RP1: variants seen among roughly 807,000 people sequenced by gnomAD.
The protein encoded by RP1 is oxygen-regulated protein 1.
RP1 carries 16 observed loss-of-function variants against 14.8 expected under a neutral mutation model. The observed-to-expected ratio is 1.08, with a 90% CI of 0.73 to 1.65. The LOEUF is 1.65. Ranked by LOEUF, RP1 falls within the 40% of genes most tolerant of loss-of-function variation. The probability of loss-of-function intolerance (pLI) is 0.00; values close to 1 mark genes in which losing one functional copy is unlikely to be tolerated. For missense variants in RP1, 2,631 were observed against 2,535.0 expected (o/e 1.04, Z -0.81); for synonymous variants, 876 against 883.6 (o/e 0.99, Z 0.15).
intron 15 of RP1, among the ~76,000 whole-genome samples, chr8:54,711,649 C>A (rs1239471689): frequency 6.6e-6 from 1 of 152,202 alleles, no homozygotes; most frequent in African/African-American, 2.4e-5. Flanking sequence ...ACACCTGCAG[C>A]AGGTCTTCAC....
intron 27 of RP1, among the ~76,000 whole-genome samples, chr8:54,860,460 A>C (rs1321111766): frequency 3.3e-5 from 5 of 152,210 alleles, no homozygotes; most frequent in Non-Finnish European, 7.3e-5. Flanking sequence ...TAAAGACTCA[A>C]ATTTGTAGCA....
chr8:54,681,480 ATTTG>A (rs750574927), intron 12 of RP1, among the ~76,000 whole-genome samples: 1 of 110,168 alleles, frequency 9.1e-6, no homozygotes, highest in African/African-American at 3.9e-5. Context: ...TTATTTTTTG[ATTTG>A]TGTGTGTGTG....
chr8:54,806,811 G>A (rs1054485987), intron 24 of RP1, among the ~76,000 whole-genome samples: 48 of 152,208 alleles, frequency 3.2e-4, no homozygotes, highest in African/African-American at 1.2e-3. Context: ...GGAACATTTA[G>A]TACCTCAAGG....
At chr8:54,601,531 C>T (rs1055062980) in intron 1 of RP1, among the ~76,000 whole-genome samples, 14 of 146,136 alleles carry the variant, frequency 9.6e-5, no homozygotes, top group South Asian at 2.1e-4. Context: ...ATGTAACTAA[C>T]GTGCACATTG....
intron 24 of RP1, among the ~76,000 whole-genome samples, chr8:54,792,079 C>T (rs1356208683): frequency 6.6e-6 from 1 of 151,838 alleles, no homozygotes; most frequent in East Asian, 1.9e-4. Flanking sequence ...ACAAATTGAC[C>T]TTAAGCCGAA....
intron 7 of RP1, among the ~76,000 whole-genome samples, chr8:54,667,433 C>T (rs565015836): frequency 3.3e-4 from 50 of 152,174 alleles, no homozygotes; most frequent in Non-Finnish European, 4.7e-4. Context: ...AGAGGCCAGC[C>T]CTGCAGGCTG....
intron 1 of RP1, among the ~76,000 whole-genome samples, chr8:54,565,688 C>A (rs533429326): frequency 6.6e-6 from 1 of 152,284 alleles, no homozygotes; most frequent in South Asian, 2.1e-4. Context: ...CTCACTGTTA[C>A]TCTCTGGGGG....
chr8:54,559,680 G>A (rs1199685589), intron 1 of RP1, among the ~76,000 whole-genome samples: 2 of 152,160 alleles, frequency 1.3e-5, no homozygotes, highest in Non-Finnish European at 2.9e-5. Flanking sequence ...TTAAGGCCTG[G>A]GGAAACCCCT....
chr8:54,762,052 T>C (rs778554251), intron 22 of RP1, among the ~76,000 whole-genome samples: 3 of 152,064 alleles, frequency 2.0e-5, no homozygotes, highest in Non-Finnish European at 2.9e-5. Flanking sequence ...AGGAGAGCCA[T>C]GGGTGCACGC....
chr8:54,626,857 A>C lies in RP1; in HGVS notation c.2975A>C (p.Lys992Thr), dbSNP rs1484869823. 6.2e-7 allele frequency: 1 copy of C among 1,613,706 alleles called. No homozygotes were observed. The highest frequency in any genetic ancestry group is 1.3e-5 in the African/African-American group (1 of 74,940). ...TGDNLCKEGD[K>T]SFIANDTGEE... ...GATAATCTATGTAAAGAGGGAGATAAGTCTTTTATTGCCAATGACACTGGT... is the reference window on the plus strand; with the variant it reads ...GATAATCTATGTAAAGAGGGAGATACGTCTTTTATTGCCAATGACACTGGT... The change falls in exon 4 of 4, where the codon AAG becomes ACG. Residue 992 changes from lysine (K) to threonine (T), a missense_variant. Lys to Thr is a moderately conservative substitution (Grantham distance 78, BLOSUM62 -1). Coordinates refer to ENST00000220676, the MANE Select transcript of RP1 (RefSeq NM_006269.2).
At chr8:54,785,994 C>T (rs76922140) in intron 24 of RP1, among the ~76,000 whole-genome samples, 3 of 151,894 alleles carry the variant, frequency 2.0e-5, no homozygotes, top group East Asian at 1.9e-4. Flanking sequence ...GTTATCATAT[C>T]GATAACAAAT....
chr8:54,630,909 T>C (rs189827038), downstream of RP1: 6 of 802,782 alleles, frequency 7.5e-6, no homozygotes, highest in East Asian at 7.5e-4. Flanking sequence ...CAGGATTTAG[T>C]GTTTTTCTAA....
At chr8:54,671,726 T>C (rs529467770) in intron 7 of RP1, among the ~76,000 whole-genome samples, 85 of 152,298 alleles carry the variant, frequency 5.6e-4, no homozygotes, top group African/African-American at 2.0e-3. Flanking sequence ...CTGAATTTAC[T>C]GATTTCATTT....
chr8:54,629,266 C>T lies in RP1; in HGVS notation c.5384C>T (p.Pro1795Leu), dbSNP rs1806179399. The T allele has an allele frequency of 6.2e-7, 1 of 1,613,816 alleles. No homozygotes were observed. Residue 1795 changes from proline to leucine, a missense_variant, in exon 4 of 4, where the codon CCA becomes CTA. By Grantham distance (98) the Pro-to-Leu change is moderately conservative (BLOSUM62 -3). Transcript: ENST00000220676. Reference sequence around the variant, plus strand: ...CATTTTGGTAATTTGGCCCCAGGCCCAACGATGGATGAACTCTCCTCTTCA... The same window carrying T: ...CATTTTGGTAATTTGGCCCCAGGCCTAACGATGGATGAACTCTCCTCTTCA... ...YSHFGNLAPG[P>L]TMDELSSSEL...
intron 24 of RP1, among the ~76,000 whole-genome samples, chr8:54,792,625 C>A (rs966210316): frequency 2.0e-5 from 3 of 151,578 alleles, no homozygotes; most frequent in Non-Finnish European, 3.0e-5. Context: ...TGGAATAAAT[C>A]AAAAAATAAC....
chr8:54,694,728 T>C (rs571240030), intron 12 of RP1, among the ~76,000 whole-genome samples: 1 of 152,296 alleles, frequency 6.6e-6, no homozygotes, highest in East Asian at 1.9e-4. Context: ...TTATTAGTCT[T>C]GCTAGCGGTC....
rs1806055157 is a variant in RP1, at chr8:54,626,498, T to C, written c.2616T>C (p.Arg872=). ...TAACTTTAAAAAGCCAGAAAAAACGTAAAGGGGATAAAGTGAAAGCAAGTG... is the reference window on the plus strand; with the variant it reads ...TAACTTTAAAAAGCCAGAAAAAACGCAAAGGGGATAAAGTGAAAGCAAGTG... The part of the protein sequence containing the change: ...SHITLKSQKK[R]KGDKVKASAI... Residue 872 remains arginine (R), a synonymous_variant, in exon 4 of 4, where the codon CGT becomes CGC. Coordinates refer to ENST00000220676, the MANE Select transcript of RP1 (RefSeq NM_006269.2). The C allele has an allele frequency of 3.1e-6, 5 of 1,613,690 alleles. No individual in the cohort carries two copies. The highest frequency in any genetic ancestry group is 4.2e-6 in the Non-Finnish European group (5 of 1,179,874).
chr8:54,800,091 A>C (rs1409852767), intron 24 of RP1, among the ~76,000 whole-genome samples: 1 of 152,072 alleles, frequency 6.6e-6, no homozygotes, highest in Admixed American at 6.6e-5. Context: ...CTTCATTTTT[A>C]AATGATGTTT....
At chr8:54,757,401 T>C (rs1057198911) in intron 21 of RP1, among the ~76,000 whole-genome samples, 5 of 152,240 alleles carry the variant, frequency 3.3e-5, no homozygotes, top group African/African-American at 7.2e-5. Context: ...TGTTGTAGTT[T>C]GGGCTTGTCC....
Sources: gnomAD v4.1 joint callset for allele counts (sites outside exome capture counted in the v4.1 genomes callset) on GRCh38, gnomAD v4.1.1 for gene constraint, MANE v1.5 for transcripts, NCBI Gene and HGNC (gene_info 2026-07-23, HGNC 2026-07-21) for gene names.